The following CAMK1D variants were observed in gnomAD, a reference collection of about 807,000 sequenced individuals.
The protein encoded by CAMK1D is calcium/calmodulin dependent protein kinase ID.
In CAMK1D, 9 loss-of-function variants were observed where a neutral mutation model predicts 47.7. That is an observed-to-expected ratio of 0.19 (90% CI 0.11 to 0.33). The LOEUF (loss-of-function observed/expected upper bound fraction) is 0.33, where lower values mean the gene tolerates loss of function less well. CAMK1D is among the 10% of genes least tolerant of loss of function. The probability of loss-of-function intolerance (pLI) is 1.00; values close to 1 mark genes in which losing one functional copy is unlikely to be tolerated. For missense variants in CAMK1D, 291 were observed against 488.7 expected (o/e 0.60, Z 3.81); for synonymous variants, 184 against 184.9 (o/e 0.99, Z 0.04).
intron 2 of CAMK1D, among the ~76,000 whole-genome samples, chr10:12,566,074 A>G (rs1829455240): frequency 6.6e-6 from 1 of 152,062 alleles, no homozygotes; most frequent in Non-Finnish European, 1.5e-5. Context: ...TTCAACTCTC[A>G]GCCCCCATTT....
At chr10:12,807,975 A>G (rs1282587357) in intron 6 of CAMK1D, among the ~76,000 whole-genome samples, 1 of 152,244 alleles carries the variant, frequency 6.6e-6, no homozygotes, top group East Asian at 1.9e-4. Flanking sequence ...TGGGGAATAC[A>G]GCCCTGCCAG....
chr10:12,693,396 A>G (rs556345337), intron 3 of CAMK1D, among the ~76,000 whole-genome samples: 2 of 152,112 alleles, frequency 1.3e-5, no homozygotes, highest in South Asian at 2.1e-4. Flanking sequence ...GGTTTTCCCA[A>G]AGAAGACAGA....
chr10:12,702,598 A>G (rs987918666), intron 3 of CAMK1D, among the ~76,000 whole-genome samples: 15 of 152,254 alleles, frequency 9.9e-5, no homozygotes, highest in African/African-American at 3.4e-4. Flanking sequence ...TTACATGTGT[A>G]TCTCATTTCA....
intron 1 of CAMK1D, among the ~76,000 whole-genome samples, chr10:12,426,037 T>C (rs1232605635): frequency 1.3e-5 from 2 of 152,198 alleles, no homozygotes; most frequent in Non-Finnish European, 2.9e-5. Flanking sequence ...CTTTAGCTGA[T>C]CTTGGTATTA....
chr10:12,693,365 T>C (rs1435548530), intron 3 of CAMK1D, among the ~76,000 whole-genome samples: 1 of 151,522 alleles, frequency 6.6e-6, no homozygotes. Context: ...ACTCCATCTC[T>C]AAAAAAAGAA....
intron 3 of CAMK1D, among the ~76,000 whole-genome samples, chr10:12,753,245 G>A (rs1257002705): frequency 6.6e-6 from 1 of 152,182 alleles, no homozygotes; most frequent in African/African-American, 2.4e-5. Context: ...CTAACTGGAG[G>A]TAATTGTGGA....
chr10:12,553,537 T>C (rs1836659906), intron 2 of CAMK1D, among the ~76,000 whole-genome samples, 181 bp downstream of exon 2: 1 of 152,154 alleles, frequency 6.6e-6, no homozygotes, highest in African/African-American at 2.4e-5. Context: ...TCTTAGAACA[T>C]TCACGGCCAT....
intron 1 of CAMK1D, among the ~76,000 whole-genome samples, chr10:12,439,634 C>G (rs574645403): frequency 6.6e-6 from 1 of 152,150 alleles, no homozygotes; most frequent in Non-Finnish European, 1.5e-5. Flanking sequence ...CCCGGGAATC[C>G]TGAGAGAGGG....
intron 3 of CAMK1D, among the ~76,000 whole-genome samples, chr10:12,733,057 T>C (rs1834968279): frequency 6.6e-6 from 1 of 152,248 alleles, no homozygotes; most frequent in African/African-American, 2.4e-5. Context: ...ATACATACGA[T>C]GTCACTCCCT....
At chr10:12,358,479 G>A (rs1837577309) in intron 1 of CAMK1D, among the ~76,000 whole-genome samples, 1 of 152,196 alleles carries the variant, frequency 6.6e-6, no homozygotes, top group Admixed American at 6.5e-5. Flanking sequence ...GTTGCAGTGG[G>A]CCGAGATTGT....
intron 1 of CAMK1D, among the ~76,000 whole-genome samples, chr10:12,427,741 T>G (rs1304369517): frequency 8.4e-6 from 1 of 119,266 alleles, no homozygotes; most frequent in Admixed American, 9.7e-5. Context: ...GGAGTCTTGC[T>G]CTTTTGCCCA....
At chr10:12,638,343 C>G (rs1007833757) in intron 2 of CAMK1D, among the ~76,000 whole-genome samples, 4 of 152,144 alleles carry the variant, frequency 2.6e-5, no homozygotes, top group African/African-American at 7.2e-5. Flanking sequence ...TACTGTATCC[C>G]TCCACATCTA....
chr10:12,496,540 T>C (rs1014236307), intron 1 of CAMK1D, among the ~76,000 whole-genome samples: 7 of 152,066 alleles, frequency 4.6e-5, no homozygotes, highest in African/African-American at 1.7e-4. Flanking sequence ...GGCAGTAATG[T>C]CCAAGCAAAG....
chr10:12,682,102 C>G (rs1003567812), intron 3 of CAMK1D, among the ~76,000 whole-genome samples: 1 of 152,144 alleles, frequency 6.6e-6, no homozygotes, highest in African/African-American at 2.4e-5. Flanking sequence ...TGCCTGTAGT[C>G]CCAACTACTC....
chr10:12,474,088 G>A (rs911930126), intron 1 of CAMK1D, among the ~76,000 whole-genome samples: 2 of 152,206 alleles, frequency 1.3e-5, no homozygotes, highest in South Asian at 2.1e-4. Context: ...GGAGGCTGGT[G>A]GTTCCACCAA....
chr10:12,395,065 ATTTTTTTTT>A (rs5783265), intron 1 of CAMK1D, among the ~76,000 whole-genome samples: 4 of 94,726 alleles, frequency 4.2e-5, no homozygotes, highest in African/African-American at 8.6e-5. Context: ...TAAAATTTTA[ATTTTTTTTT>A]TTTTTTTTTT....
In CAMK1D at chr10:12,631,641, A is replaced by G. The variant is rs181989482; in HGVS notation, c.225-35095A>G. Among the ~76,000 whole-genome samples the G allele has an allele frequency of 4.0e-3, 614 of 151,992 alleles. 4 individuals carry two copies. The highest frequency in any genetic ancestry group is 7.3e-3 in the Non-Finnish European group (496 of 68,014). On this transcript the variant is annotated intron_variant, in intron 2 of 10. Coordinates refer to ENST00000619168, the MANE Select transcript of CAMK1D (RefSeq NM_153498.4). ...CTATTGAGTAGCACCCTTTCTGCAG[A>G]AAGTAAAGCTCTCCTTGCTGAGAGA...
At position 12,349,645 on chromosome 10, in the gene CAMK1D, A is replaced by G. The variant is rs1211660660; in HGVS notation, c.-174A>G. 4 of 157,852 alleles carry G rather than the reference A, an allele frequency of 2.5e-5. No homozygotes were observed. Among genetic ancestry groups the G allele is most frequent in the Admixed American group, 2.0e-4 (3 of 15,344 alleles). The allele number at this position is 157,852 out of a possible 1,614,324, so 9.8% of individuals were successfully genotyped here. ...AGAACAGCAGAAATAAGAGCCAGGG[A>G]GGGACCGCGGCCGCGGCGGCGGCGG... On this transcript the variant is annotated 5_prime_UTR_variant, in exon 1 of 11. Transcript: ENST00000619168.
chr10:12,506,609 C>T (rs573949110), intron 1 of CAMK1D, among the ~76,000 whole-genome samples: 2 of 152,228 alleles, frequency 1.3e-5, no homozygotes, highest in East Asian at 1.9e-4. Context: ...GTCTCCGCCT[C>T]CCGGGTTCAC....
Sources: gnomAD v4.1 joint callset for allele counts (sites outside exome capture counted in the v4.1 genomes callset) on GRCh38, gnomAD v4.1.1 for gene constraint, MANE v1.5 for transcripts, NCBI Gene and HGNC (gene_info 2026-07-23, HGNC 2026-07-21) for gene names.